Variants in CUX2 observed in about 807,000 individuals in gnomAD.
CUX2 encodes the protein homeobox protein cut-like 2.
CUX2 carries 40 observed loss-of-function variants against 144.8 expected under a neutral mutation model. That is an observed-to-expected ratio of 0.28 (90% CI 0.21 to 0.36). The LOEUF is 0.36. Among genes scored for constraint, CUX2 ranks in the 10% least tolerant of loss-of-function variants. The pLI, the probability that CUX2 is intolerant of heterozygous loss-of-function variation, is 1.00. For synonymous variants in CUX2, 827 were observed against 875.6 expected, an observed-to-expected ratio of 0.94 and a Z score of 0.98; for missense variants, 1,615 against 1,994.0, an observed-to-expected ratio of 0.81 and a Z score of 3.62.
At chr12:111,084,052 G>A (rs918394759) in intron 1 of CUX2, among the ~76,000 whole-genome samples, 2 of 152,148 alleles carry the variant, frequency 1.3e-5, no homozygotes, top group East Asian at 1.9e-4. Context: ...GAGTAGAAGT[G>A]TACATGGGGA....
At chr12:111,323,776 G>A (rs867133225) in intron 18 of CUX2, among the ~76,000 whole-genome samples, 3 of 152,088 alleles carry the variant, frequency 2.0e-5, no homozygotes, top group Admixed American at 2.0e-4. Flanking sequence ...AAAAAAGGAG[G>A]CCGAGCACAG....
intron 3 of CUX2, among the ~76,000 whole-genome samples, chr12:111,227,200 C>T (rs1001040367): frequency 2.0e-5 from 3 of 152,178 alleles, no homozygotes; most frequent in African/African-American, 7.2e-5. Context: ...TTTACTCATG[C>T]GTTCAGGAAG....
At position 111,291,468 on chromosome 12, in the gene CUX2, C is replaced by T. The variant is rs1328984663; in HGVS notation, c.352C>T (p.Pro118Ser). ...ACGCAGCCTAGACGACAGACTGCAG[C>T]CCCCCAGCTTTGACCCCAGTGGGCA... ...AARSLDDRLQPPSFDPSGQPR... is the reference protein window; with the variant it reads ...AARSLDDRLQSPSFDPSGQPR... The change falls in exon 5 of 22, where the codon CCC becomes TCC. Residue 118 changes from proline to serine, a missense_variant. Around this residue, in one of 12 missense-constraint regions of CUX2, gnomAD observed 295 missense variants for 400.2 expected, o/e 0.74. Transcript: ENST00000261726. 2 of 1,612,734 alleles carry T rather than the reference C, an allele frequency of 1.2e-6. No homozygotes were observed. Among genetic ancestry groups the T allele is most frequent in the East Asian group, 2.2e-5 (1 of 44,870 alleles).
At chr12:111,223,675 A>C (rs1038601242) in intron 3 of CUX2, among the ~76,000 whole-genome samples, 1 of 152,208 alleles carries the variant, frequency 6.6e-6, no homozygotes, top group Non-Finnish European at 1.5e-5. Context: ...AGAGGCCAGG[A>C]GTGCTGAGGT....
chr12:111,099,250 G>T (rs1165168975), intron 1 of CUX2, among the ~76,000 whole-genome samples: 1 of 152,256 alleles, frequency 6.6e-6, no homozygotes, highest in African/African-American at 2.4e-5. Flanking sequence ...CTGGCCAAAG[G>T]CTCGGAGGTG....
intron 1 of CUX2, among the ~76,000 whole-genome samples, chr12:111,136,757 G>C (rs1875912947): frequency 2.0e-5 from 3 of 152,202 alleles, no homozygotes. Flanking sequence ...ATCTCTGGGA[G>C]CCTGGCTCCA....
chr12:111,131,474 A>G (rs1293162571), intron 1 of CUX2, among the ~76,000 whole-genome samples: 1 of 152,158 alleles, frequency 6.6e-6, no homozygotes, highest in African/African-American at 2.4e-5. Context: ...TGCCTTCCCA[A>G]CAGTCCCCCA....
At chr12:111,107,090 C>T (rs1216847316) in intron 1 of CUX2, among the ~76,000 whole-genome samples, 1 of 152,234 alleles carries the variant, frequency 6.6e-6, no homozygotes, top group African/African-American at 2.4e-5. Flanking sequence ...TTAACTTATA[C>T]CATCTCATTA....
rs1359670810 is a variant in CUX2 at position 111,295,444 on chromosome 12, C to G, written c.637+35C>G. 2 of 1,582,668 alleles carry G rather than the reference C, an allele frequency of 1.3e-6. No homozygotes were observed. Among genetic ancestry groups the G allele is most frequent in the Admixed American group, 1.8e-5 (1 of 56,408 alleles). ...GGCACCATGTGGCCTAGAGGGAGGA[C>G]TGGGAGGGGACGGTAATGCTGTCAA... On this transcript the variant is annotated intron_variant, in intron 7 of 21. Transcript: ENST00000261726. This position sits in a 1 kb window ranked among gnomAD's most constrained non-coding sequence, Gnocchi z 5.0.
At chr12:111,262,375 G>T (rs1200764978) in intron 3 of CUX2, among the ~76,000 whole-genome samples, 5 of 131,248 alleles carry the variant, frequency 3.8e-5, no homozygotes, top group Non-Finnish European at 6.4e-5. Context: ...ATTTTGTAAT[G>T]GATCTTTTTT....
intron 1 of CUX2, among the ~76,000 whole-genome samples, chr12:111,211,222 GAGA>G (rs770096075): frequency 8.5e-5 from 13 of 152,204 alleles, no homozygotes; most frequent in Admixed American, 3.9e-4. Context: ...AGGCAAAATT[GAGA>G]AGAACGTGGA....
intron 20 of CUX2, 126 bp from the exon 21 acceptor site, chr12:111,341,653 TA>T: frequency 1.7e-6 from 2 of 1,150,330 alleles, no homozygotes; most frequent in Non-Finnish European, 2.4e-6. Context: ...GGCGGGCCTC[TA>T]AGCTTAGGGC....
At chr12:111,065,857 G>A (rs1277470112) in intron 1 of CUX2, among the ~76,000 whole-genome samples, 1 of 152,194 alleles carries the variant, frequency 6.6e-6, no homozygotes, top group African/African-American at 2.4e-5. Flanking sequence ...CTGGCAGTGG[G>A]ACCCAGCAGT....
chr12:111,110,106 C>T (rs1276233510), intron 1 of CUX2, among the ~76,000 whole-genome samples: 1 of 150,724 alleles, frequency 6.6e-6, no homozygotes, highest in African/African-American at 2.4e-5. Flanking sequence ...TGGTCTCAAA[C>T]TCCTAGGCTC....
At chr12:111,284,999 G>A (rs1405221090) in intron 4 of CUX2, among the ~76,000 whole-genome samples, 2 of 152,072 alleles carry the variant, frequency 1.3e-5, no homozygotes, top group Non-Finnish European at 2.9e-5. Context: ...TAAGCCACAG[G>A]GTTTCCTTTC....
intron 1 of CUX2, among the ~76,000 whole-genome samples, chr12:111,175,211 A>G (rs866145536): frequency 7.2e-5 from 11 of 152,200 alleles, no homozygotes; most frequent in South Asian, 2.1e-4. Context: ...GCTAAAATGC[A>G]CTTACTTTTC....
Position 111,334,524 on chromosome 12 carries a change from C to T in CUX2, c.3010C>T (p.Leu1004=), listed in dbSNP as rs1888258273. The T allele has an allele frequency of 6.2e-7, 1 of 1,613,996 alleles. No homozygotes were observed. Among genetic ancestry groups the T allele is most frequent in the East Asian group, 2.2e-5 (1 of 44,866 alleles). Residue 1004 remains leucine, a synonymous_variant, in exon 19 of 22, where the codon CTG becomes TTG. Coordinates refer to ENST00000261726, the MANE Select transcript of CUX2 (RefSeq NM_015267.4). ...PEKSSQEPLS[L]SLESSKENQQ... is the part of the protein sequence containing the mutation. Reference sequence around the variant, plus strand: ...GAAGAGCTCCCAGGAGCCGTTGAGCCTGTCCCTGGAGAGCAGCAAGGAGAA... The same window carrying T: ...GAAGAGCTCCCAGGAGCCGTTGAGCTTGTCCCTGGAGAGCAGCAAGGAGAA...
At chr12:111,084,176 T>C (rs762969117) in intron 1 of CUX2, among the ~76,000 whole-genome samples, 41 of 152,194 alleles carry the variant, frequency 2.7e-4, no homozygotes, top group Admixed American at 5.9e-4. Flanking sequence ...TTCCTCCTGG[T>C]CTACAGCGGT....
At chr12:111,045,447 A>G (rs1290380556) in intron 1 of CUX2, among the ~76,000 whole-genome samples, 2 of 152,180 alleles carry the variant, frequency 1.3e-5, no homozygotes, top group Non-Finnish European at 2.9e-5. Flanking sequence ...TAAAGCTTCT[A>G]CTTCATAATC....
Sources: gnomAD v4.1 joint callset for allele counts (sites outside exome capture counted in the v4.1 genomes callset) on GRCh38, gnomAD v4.1.1 for gene constraint, gnomAD v4.1.1 regional missense constraint, Gnocchi (gnomAD v3.1) non-coding constraint, MANE v1.5 for transcripts, NCBI Gene and HGNC (gene_info 2026-07-23, HGNC 2026-07-21) for gene names.